The following KYAT3 variants were observed in gnomAD, a reference collection of about 807,000 sequenced individuals.
KYAT3 encodes kynurenine aminotransferase 3.
A neutral mutation model predicts 59.0 loss-of-function variants in KYAT3; 50 were observed. The ratio of observed to expected loss-of-function variants is 0.85; its 90% confidence interval spans 0.68 to 1.07. The LOEUF is 1.07. KYAT3 is among the 50% of genes least tolerant of loss of function. The pLI is 0.00. For missense variants in KYAT3, 497 were observed against 533.3 expected, an observed-to-expected ratio of 0.93 and a Z score of 0.67; for synonymous variants, 148 against 177.0, an observed-to-expected ratio of 0.84 and a Z score of 1.30.
At chr1:88,992,911 C>A (rs1677912473), upstream of KYAT3, 1 of 152,242 alleles carries the variant, frequency 6.6e-6, no homozygotes. Context: ...GTGGGGTCCG[C>A]CGCGATCGCG....
chr1:88,991,960 G>A (rs755360742), intron 1 of KYAT3, among the ~76,000 whole-genome samples: 6 of 150,424 alleles, frequency 4.0e-5, no homozygotes, highest in Admixed American at 2.7e-4. Context: ...ATAAGGCAAC[G>A]TAACAGCCTT....
the KYAT3 span, among the ~76,000 whole-genome samples, chr1:88,926,967 C>T: frequency 7.9e-5 from 12 of 152,032 alleles, no homozygotes; most frequent in Non-Finnish European, 1.3e-4. Context: ...ATGTTGGGCA[C>T]GCTGGTAAAG....
chr1:88,953,446 T>C (rs1399342676), intron 9 of KYAT3, among the ~76,000 whole-genome samples: 1 of 150,188 alleles, frequency 6.7e-6, no homozygotes, highest in African/African-American at 2.5e-5. Context: ...CTTGGGAAGC[T>C]GAGGCAGGAG....
At chr1:88,921,232 C>T in the KYAT3 span, among the ~76,000 whole-genome samples, 2 of 152,140 alleles carry the variant, frequency 1.3e-5, no homozygotes, top group Non-Finnish European at 2.9e-5. Flanking sequence ...GGCCTCGCTT[C>T]TACATTCTAG....
chr1:88,940,567 T>C (rs1310796437), intron 13 of KYAT3, among the ~76,000 whole-genome samples: 1 of 152,096 alleles, frequency 6.6e-6, no homozygotes, highest in Non-Finnish European at 1.5e-5. Flanking sequence ...CCTTGTCTCA[T>C]AGTAAAATTT....
chr1:88,971,774 A>T (rs374935676), intron 2 of KYAT3, among the ~76,000 whole-genome samples: 1 of 152,102 alleles, frequency 6.6e-6, no homozygotes. Context: ...CTCAAATTCG[A>T]CTTCATTCCC....
At chr1:88,989,525 C>A (rs1677664931) in intron 1 of KYAT3, among the ~76,000 whole-genome samples, 1 of 152,168 alleles carries the variant, frequency 6.6e-6, no homozygotes, top group Non-Finnish European at 1.5e-5. Context: ...ATGGAATTTG[C>A]TGATTATGGC....
chr1:88,936,317 T>C (rs2101007821), intron 13 of KYAT3, 72 bp from the exon 14 acceptor site: 1 of 1,117,416 alleles, frequency 8.9e-7, no homozygotes, highest in Non-Finnish European at 1.3e-6. Context: ...GATTTAAATA[T>C]ACAACATAAT....
chr1:88,936,263 A>C lies in KYAT3; in HGVS notation c.1303-18T>G. The C allele has an allele frequency of 6.5e-7, 1 of 1,542,718 alleles. No individual in the cohort carries two copies. On this transcript the variant is annotated intron_variant, in intron 13 of 13. Coordinates refer to ENST00000260508, the MANE Select transcript of KYAT3 (RefSeq NM_001008661.3). ...CTGTCTTTCTGTAAATTAATGAAATAATCATCATTATTACAGATATACATA... is the reference window on the plus strand; with the variant it reads ...CTGTCTTTCTGTAAATTAATGAAATCATCATCATTATTACAGATATACATA...
chr1:88,968,623 C>T (rs1676433116), intron 4 of KYAT3, 47 bp downstream of exon 4: 1 of 1,430,452 alleles, frequency 7.0e-7, no homozygotes, highest in Middle Eastern at 1.8e-4. Flanking sequence ...ACACACACCC[C>T]AGTATAAAAT....
intron 2 of KYAT3, among the ~76,000 whole-genome samples, chr1:88,975,078 T>G (rs766725474): frequency 8.5e-5 from 13 of 152,184 alleles, no homozygotes; most frequent in Non-Finnish European, 1.5e-4. Context: ...TTAAGAGCTG[T>G]AACATTAACC....
Position 88,988,269 on chromosome 1 carries a change from C to T in KYAT3, c.82G>A (p.Gly28Arg), listed in dbSNP as rs764659077. ...LKTISSSKIL[G>R]FSTSAKMSLK... ...ATACCTACAGCAGAAGTAGAGAATC[C>T]GAGGATTTTGGAAGAAGAAATTGTC... Residue 28 changes from glycine to arginine, a missense_variant, in exon 2 of 14, where the codon GGA (glycine) becomes AGA (arginine). Physicochemically the swap from Gly to Arg is moderately radical, Grantham distance 125. Transcript: ENST00000260508. The T allele has an allele frequency of 2.7e-5, 43 of 1,612,420 alleles. No homozygotes were observed. The highest frequency in any genetic ancestry group is 2.3e-4 in the South Asian group (21 of 90,940).
At chr1:88,927,056 C>T in the KYAT3 span, among the ~76,000 whole-genome samples, 2 of 152,252 alleles carry the variant, frequency 1.3e-5, no homozygotes, top group South Asian at 2.1e-4. Context: ...ACTGCTACAT[C>T]GGTAAGCGTA....
chr1:88,987,912 A>G (rs529110212), intron 2 of KYAT3, among the ~76,000 whole-genome samples: 1 of 152,310 alleles, frequency 6.6e-6, no homozygotes, highest in East Asian at 1.9e-4. Context: ...TTTGGTGGTT[A>G]TGGGTTTTAA....
chr1:88,948,843 T>G (rs1280428098), intron 11 of KYAT3, among the ~76,000 whole-genome samples: 1 of 152,236 alleles, frequency 6.6e-6, no homozygotes, highest in African/African-American at 2.4e-5. Context: ...AAGAGAGTGA[T>G]AGCAAATCCT....
Position 88,983,702 on chromosome 1 carries a change from T to G in KYAT3, c.99+4550A>C, listed in dbSNP as rs552239247. Reference sequence around the variant, plus strand: ...TCCTCTTGATTTGTTGGTTTCACGGTCTTTTATCAAGAGTACTTCCACTAT... The same window carrying G: ...TCCTCTTGATTTGTTGGTTTCACGGGCTTTTATCAAGAGTACTTCCACTAT... On this transcript the variant is annotated intron_variant, in intron 2 of 13. Transcript: ENST00000260508. 2.5e-6 allele frequency: 4 copies of G among 1,613,936 alleles called. No individual in the cohort carries two copies. In the South Asian group the frequency reaches 4.4e-5, roughly 18 times the overall value.
At chr1:88,963,447 C>T (rs1676226462) in intron 5 of KYAT3, among the ~76,000 whole-genome samples, 1 of 152,150 alleles carries the variant, frequency 6.6e-6, no homozygotes, top group Non-Finnish European at 1.5e-5. Context: ...AAAAGAATAA[C>T]ATAACACAAA....
intron 13 of KYAT3, among the ~76,000 whole-genome samples, chr1:88,940,431 T>C (rs565510234): frequency 6.6e-6 from 1 of 152,354 alleles, no homozygotes; most frequent in African/African-American, 2.4e-5. Flanking sequence ...TGCCAAAGCA[T>C]GCACTATACC....
At chr1:88,980,169 C>A (rs761096305) in intron 2 of KYAT3, 1 of 152,364 alleles carries the variant, frequency 6.6e-6, no homozygotes, top group Non-Finnish European at 1.5e-5. Context: ...GGATGGACTG[C>A]AAAGGAACTT....
Sources: gnomAD v4.1 joint callset for allele counts (sites outside exome capture counted in the v4.1 genomes callset) on GRCh38, gnomAD v4.1.1 for gene constraint, MANE v1.5 for transcripts, NCBI Gene and HGNC (gene_info 2026-07-23, HGNC 2026-07-21) for gene names.